Variants in DCHS2 observed in about 807,000 individuals in gnomAD.
DCHS2 encodes the protein protocadherin-23.
Under a neutral mutation model 182.4 loss-of-function variants are expected in DCHS2, and 142 were observed. The observed-to-expected ratio is 0.78, with a 90% CI of 0.68 to 0.89. DCHS2 has a LOEUF of 0.89. Among genes scored for constraint, DCHS2 ranks in the 40% least tolerant of loss-of-function variants. The probability of loss-of-function intolerance (pLI) is 0.00; values close to 1 mark genes in which losing one functional copy is unlikely to be tolerated. For missense variants in DCHS2, 4,319 were observed against 4,198.6 expected (o/e 1.03, Z -0.79); for synonymous variants, 1,740 against 1,663.3 (o/e 1.05, Z -1.12).
At chr4:154,468,312 C>A (rs982623833) in intron 1 of DCHS2, among the ~76,000 whole-genome samples, 2 of 152,088 alleles carry the variant, frequency 1.3e-5, no homozygotes, top group Admixed American at 6.6e-5. Context: ...ATGTTACAAT[C>A]ATATATGATT....
chr4:154,467,348 C>A (rs1294248827), intron 1 of DCHS2, among the ~76,000 whole-genome samples: 2 of 152,086 alleles, frequency 1.3e-5, no homozygotes, highest in Non-Finnish European at 2.9e-5. Flanking sequence ...GATTGCCAGG[C>A]ATGAAATGAT....
chr4:154,340,711 G>A (rs1729023351), intron 3 of DCHS2, among the ~76,000 whole-genome samples: 1 of 152,108 alleles, frequency 6.6e-6, no homozygotes, highest in South Asian at 2.1e-4. Flanking sequence ...GCCATATTAT[G>A]AGTTATCAAA....
chr4:154,375,714 C>G (rs1730858882), intron 2 of DCHS2, among the ~76,000 whole-genome samples: 1 of 152,040 alleles, frequency 6.6e-6, no homozygotes, highest in African/African-American at 2.4e-5. Flanking sequence ...ATGAAATTTT[C>G]ATACTTCACT....
intron 15 of DCHS2, among the ~76,000 whole-genome samples, chr4:154,258,989 A>G (rs757601722): frequency 6.6e-6 from 1 of 151,912 alleles, no homozygotes; most frequent in Admixed American, 6.6e-5. Flanking sequence ...AAGATGAAAC[A>G]AGCACTTGTC....
At chr4:154,289,534 C>T (rs1289945670) in intron 13 of DCHS2, among the ~76,000 whole-genome samples, 1 of 151,980 alleles carries the variant, frequency 6.6e-6, no homozygotes, top group African/African-American at 2.4e-5. Context: ...ACCTATCACA[C>T]TCAAAGTATT....
intron 7 of DCHS2, chr4:154,322,716 C>A: frequency 2.1e-6 from 1 of 466,208 alleles, no homozygotes; most frequent in Non-Finnish European, 3.6e-6. Context: ...TAAACTTTCA[C>A]GAGTCCATCA....
intron 13 of DCHS2, among the ~76,000 whole-genome samples, chr4:154,277,502 T>TC (rs1733905561): frequency 6.6e-6 from 1 of 151,948 alleles, no homozygotes; most frequent in East Asian, 1.9e-4. Context: ...TGAAGATTCA[T>TC]CCCCAGAAAA....
At chr4:154,346,991 TG>T (rs1336125896) in intron 3 of DCHS2, among the ~76,000 whole-genome samples, 11 of 151,788 alleles carry the variant, frequency 7.2e-5, no homozygotes, top group Non-Finnish European at 1.5e-5. Context: ...AAGATACGTC[TG>T]TGACAGTTAG....
chr4:154,302,269 C>G (rs1735218674), intron 12 of DCHS2, among the ~76,000 whole-genome samples: 1 of 152,166 alleles, frequency 6.6e-6, no homozygotes, highest in Non-Finnish European at 1.5e-5. Context: ...AATCATATTT[C>G]AAACAGTAGA....
intron 1 of DCHS2, among the ~76,000 whole-genome samples, chr4:154,426,764 T>C (rs1400635767): frequency 7.5e-5 from 2 of 26,734 alleles, no homozygotes; most frequent in Non-Finnish European, 4.7e-4. Context: ...TGAGACTTTG[T>C]CTCTACAAAA....
At chr4:154,266,655 C>A (rs1388226963) in intron 14 of DCHS2, among the ~76,000 whole-genome samples, 174 of 137,078 alleles carry the variant, frequency 1.3e-3, no homozygotes, top group Middle Eastern at 7.3e-3. Context: ...GGCTCCGTCT[C>A]AAAAAAAAAA....
rs554477897 is a variant in DCHS2 at position 154,287,839 on chromosome 4, C to T, written c.6463+10012G>A. On this transcript the variant is annotated intron_variant, in intron 13 of 19. Transcript: ENST00000357232. The stretch of plus-strand genomic sequence containing the variant: ...TTGGTTGATTGTTTGTTTATGCATT[C>T]GGTGCCAAGTTATCATCAGTTTAAA... Among the ~76,000 whole-genome samples the T allele has an allele frequency of 1.6e-4, 24 of 152,048 alleles. No homozygotes were observed. In the South Asian group the frequency reaches 2.7e-3, roughly 17 times the overall value.
rs1315935280 is a variant in DCHS2, at chr4:154,240,795, A to G, written c.7101T>C (p.His2367=). 1 of 1,613,792 alleles carries G rather than the reference A, an allele frequency of 6.2e-7. No individual in the cohort carries two copies. Among genetic ancestry groups the G allele is most frequent in the Non-Finnish European group, 8.5e-7 (1 of 1,179,838 alleles). ...EDSLPGVIVT[H]VSVHDVDLNS... is the part of the protein sequence containing the mutation. The stretch of plus-strand genomic sequence containing the variant: ...TCAAATCCACATCATGAACTGACAC[A>G]TGAGTCACAATTACACCAGGCAAAG... The change falls in exon 18 of 20, where the codon CAT becomes CAC. Residue 2367 remains histidine, a synonymous_variant. Coordinates refer to ENST00000357232, the MANE Select transcript of DCHS2 (RefSeq NM_001358235.2).
At chr4:154,424,725 T>G (rs1733252593) in intron 1 of DCHS2, among the ~76,000 whole-genome samples, 1 of 152,204 alleles carries the variant, frequency 6.6e-6, no homozygotes, top group Non-Finnish European at 1.5e-5. Flanking sequence ...GGTCTAAGTG[T>G]TCAAGTAAGC....
In DCHS2 at chr4:154,298,397, T is replaced by G. The variant is rs74321456; in HGVS notation, c.5917A>C (p.Thr1973Pro). The change falls in exon 13 of 20, where the codon ACT (threonine) becomes CCT (proline). Residue 1973 changes from threonine (T) to proline (P), a missense_variant. Physicochemically the swap from Thr to Pro is conservative, Grantham distance 38. Coordinates refer to ENST00000357232, the MANE Select transcript of DCHS2 (RefSeq NM_001358235.2). ...GLNGQTEYFL[T>P]DEASGAFTID... ...GTGAATGCACCAGAAGCCTCATCAG[T>G]CAGAAAATACTCAGTTTGCCCATTC... 0.05 allele frequency: 81,261 copies of G among 1,614,082 alleles called. 2,328 individuals are homozygous for G. Among genetic ancestry groups the G allele is most frequent in the Non-Finnish European group, 0.06 (70,635 of 1,180,000 alleles).
chr4:154,436,360 C>T (rs761302736), intron 1 of DCHS2, among the ~76,000 whole-genome samples: 1 of 151,934 alleles, frequency 6.6e-6, no homozygotes, highest in Non-Finnish European at 1.5e-5. Flanking sequence ...TACTTTTTTC[C>T]ATCATGATTG....
intron 1 of DCHS2, among the ~76,000 whole-genome samples, chr4:154,464,251 T>C (rs1418246982): frequency 6.6e-6 from 1 of 152,128 alleles, no homozygotes; most frequent in Non-Finnish European, 1.5e-5. Flanking sequence ...ACTTAAGTAG[T>C]ATTTGCAGGA....
rs114047391 is a variant in DCHS2 at position 154,338,961 on chromosome 4, T to C, written c.2477-3857A>G. 3.2e-3 allele frequency among the ~76,000 whole-genome samples: 490 copies of C among 152,306 alleles called. 1 individual carries two copies. Among genetic ancestry groups the C allele is most frequent in the Admixed American group, 5.5e-3 (84 of 15,302 alleles). On this transcript the variant is annotated intron_variant, in intron 3 of 19. Transcript: ENST00000357232. ...TATAGATATCTATAGATCTTATATC[T>C]CTCATATCTACATATAGAGATAGAT...
intron 10 of DCHS2, among the ~76,000 whole-genome samples, chr4:154,313,451 T>C (rs950523754): frequency 6.6e-5 from 10 of 152,288 alleles, no homozygotes; most frequent in South Asian, 4.1e-4. Context: ...CGTAGAATGC[T>C]AGAAAACACA....
Sources: allele counts gnomAD v4.1 joint callset (sites outside exome capture counted in the v4.1 genomes callset), GRCh38; gene constraint gnomAD v4.1.1; transcripts MANE v1.5; gene names NCBI Gene and HGNC (gene_info 2026-07-23, HGNC 2026-07-21).